RALGPS2: variants seen among roughly 807,000 people sequenced by gnomAD.
RALGPS2 encodes Ral GEF with PH domain and SH3 binding motif 2, also known as ras-specific guanine nucleotide-releasing factor RalGPS2.
RALGPS2 carries 43 observed loss-of-function variants against 86.8 expected under a neutral mutation model. That is an observed-to-expected ratio of 0.50 (90% CI 0.39 to 0.64). The LOEUF (loss-of-function observed/expected upper bound fraction) is 0.64, where lower values mean the gene tolerates loss of function less well. Among genes scored for constraint, RALGPS2 ranks in the 30% least tolerant of loss-of-function variants. The probability of loss-of-function intolerance (pLI) is 0.00; values close to 1 mark genes in which losing one functional copy is unlikely to be tolerated. For missense variants in RALGPS2, 536 were observed against 694.6 expected, an observed-to-expected ratio of 0.77 and a Z score of 2.57; for synonymous variants, 243 against 231.3, an observed-to-expected ratio of 1.05 and a Z score of -0.46.
chr1:178,881,896 A>G (rs182966475), intron 10 of RALGPS2, among the ~76,000 whole-genome samples: 2 of 152,304 alleles, frequency 1.3e-5, no homozygotes, highest in Admixed American at 6.5e-5. Context: ...TTTATGATGA[A>G]AAATTTGTAA....
At position 178,895,701 on chromosome 1, in the gene RALGPS2, GAGAA is replaced by G. The variant is rs111934706; in HGVS notation, c.1431+1681_1431+1684del. Among the ~76,000 whole-genome samples the G allele has an allele frequency of 2.6e-3, 399 of 152,128 alleles. 3 individuals are homozygous for G. Among genetic ancestry groups the G allele is most frequent in the African/African-American group, 8.9e-3 (369 of 41,526 alleles). On this transcript the variant is annotated intron_variant, in intron 16 of 19. Coordinates refer to ENST00000367635, the MANE Select transcript of RALGPS2 (RefSeq NM_152663.5). ...ATGATAAATTAAACATGATGTATGA[GAGAA>G]AGAGTGAAAACAAAGATAACTTCTA... is the stretch of plus-strand genomic sequence containing the variant.
At chr1:178,741,797 A>G (rs566124193) in intron 1 of RALGPS2, among the ~76,000 whole-genome samples, 4 of 152,330 alleles carry the variant, frequency 2.6e-5, no homozygotes, top group South Asian at 4.1e-4. Context: ...CTTAAACCTA[A>G]CCATATCAAT....
intron 8 of RALGPS2, chr1:178,865,875 C>A (rs4504851): frequency 1.1e-6 from 1 of 893,630 alleles, no homozygotes; most frequent in African/African-American, 1.7e-5. Flanking sequence ...AGTCAGTAAT[C>A]TTAAAAACTA....
chr1:178,820,430 A>G (rs1370968937), intron 6 of RALGPS2, among the ~76,000 whole-genome samples: 3 of 152,184 alleles, frequency 2.0e-5, no homozygotes, highest in South Asian at 4.1e-4. Context: ...TACTTCTCAT[A>G]TTCAGCTTCC....
chr1:178,825,090 A>G lies in RALGPS2; in HGVS notation c.480+3386A>G, dbSNP rs58370113. Among the ~76,000 whole-genome samples, 1,448 of 152,296 alleles carry G rather than the reference A, an allele frequency of 9.5e-3. 19 individuals are homozygous for G. The highest frequency in any genetic ancestry group is 0.033 in the African/African-American group (1,380 of 41,552). On this transcript the variant is annotated intron_variant, in intron 7 of 19. Transcript: ENST00000367635. The stretch of plus-strand genomic sequence containing the variant: ...GTAATAGGTTTGATAGACCTTATGT[A>G]GGATCCATCTACTTAAGACTTTTTT...
At chr1:178,800,730 C>G (rs190282292) in intron 4 of RALGPS2, among the ~76,000 whole-genome samples, 1 of 151,924 alleles carries the variant, frequency 6.6e-6, no homozygotes, top group Non-Finnish European at 1.5e-5. Flanking sequence ...TTCAACTGTT[C>G]GGAGGGTCAG....
At chr1:178,850,520 T>A (rs1454607530) in intron 8 of RALGPS2, 1 of 152,094 alleles carries the variant, frequency 6.6e-6, no homozygotes, top group Non-Finnish European at 1.5e-5. Flanking sequence ...TTTTTATTTT[T>A]AAAAATGATA....
At chr1:178,730,452 C>A (rs539404885) in intron 1 of RALGPS2, among the ~76,000 whole-genome samples, 2 of 152,004 alleles carry the variant, frequency 1.3e-5, no homozygotes, top group Non-Finnish European at 2.9e-5. Context: ...TTACAGTGTA[C>A]TATGATTATA....
intron 8 of RALGPS2, among the ~76,000 whole-genome samples, chr1:178,867,564 G>C (rs993226507): frequency 2.0e-5 from 3 of 152,074 alleles, no homozygotes; most frequent in Admixed American, 6.6e-5. Context: ...TTTTACCCTA[G>C]TCATGTCATA....
chr1:178,885,475 C>G (rs2102378510), intron 12 of RALGPS2: 1 of 346,060 alleles, frequency 2.9e-6, no homozygotes, highest in Middle Eastern at 8.3e-4. Context: ...TAAATAAAAT[C>G]AGGATAGCAA....
At chr1:178,782,177 C>T (rs891823445) in intron 2 of RALGPS2, among the ~76,000 whole-genome samples, 6 of 152,138 alleles carry the variant, frequency 3.9e-5, no homozygotes, top group African/African-American at 1.4e-4. Context: ...AGTGGAGCCA[C>T]GTAAACCCTA....
At chr1:178,731,431 C>T (rs564640098) in intron 1 of RALGPS2, among the ~76,000 whole-genome samples, 6 of 151,286 alleles carry the variant, frequency 4.0e-5, no homozygotes, top group African/African-American at 7.3e-5. Context: ...TACAAGCATG[C>T]GCCACCACAC....
At chr1:178,857,496 G>A (rs754942126) in intron 8 of RALGPS2, among the ~76,000 whole-genome samples, 12 of 152,152 alleles carry the variant, frequency 7.9e-5, no homozygotes, top group Non-Finnish European at 1.6e-4. Flanking sequence ...CAAGTACTTT[G>A]ATGGAGTTAT....
chr1:178,906,276 G>A (rs958909736), intron 18 of RALGPS2, among the ~76,000 whole-genome samples: 1 of 151,942 alleles, frequency 6.6e-6, no homozygotes, highest in African/African-American at 2.4e-5. Context: ...TTGGGAGGCC[G>A]AGACACGAGA....
chr1:178,906,571 A>G (rs1185249048), intron 18 of RALGPS2, among the ~76,000 whole-genome samples: 1 of 152,172 alleles, frequency 6.6e-6, no homozygotes, highest in Non-Finnish European at 1.5e-5. Flanking sequence ...TGAATATATG[A>G]TAGCATGTAA....
chr1:178,738,313 A>G (rs1215928817), intron 1 of RALGPS2, among the ~76,000 whole-genome samples: 4 of 146,030 alleles, frequency 2.7e-5, no homozygotes, highest in Non-Finnish European at 5.9e-5. Flanking sequence ...GGTTCAAGGT[A>G]CTCTCCTGTC....
At chr1:178,867,145 G>A (rs1658465057) in intron 8 of RALGPS2, among the ~76,000 whole-genome samples, 1 of 152,092 alleles carries the variant, frequency 6.6e-6, no homozygotes, top group Non-Finnish European at 1.5e-5. Context: ...GTTTATGCCT[G>A]TTGTTAATAA....
chr1:178,778,617 C>G (rs527414767), intron 2 of RALGPS2, among the ~76,000 whole-genome samples: 1 of 117,430 alleles, frequency 8.5e-6, no homozygotes, highest in Non-Finnish European at 1.7e-5. Context: ...CGGCATTATT[C>G]ACAATAGCAA....
intron 1 of RALGPS2, among the ~76,000 whole-genome samples, chr1:178,751,599 A>G (rs1286234734): frequency 1.3e-5 from 2 of 152,218 alleles, no homozygotes; most frequent in East Asian, 1.9e-4. Context: ...GGAGTATTAG[A>G]ATAAATGAAG....
Sources: gnomAD v4.1 joint callset for allele counts (sites outside exome capture counted in the v4.1 genomes callset) on GRCh38, gnomAD v4.1.1 for gene constraint, MANE v1.5 for transcripts, NCBI Gene and HGNC (gene_info 2026-07-23, HGNC 2026-07-21) for gene names.